Variants in EPHB1 observed in about 807,000 individuals in gnomAD.
The protein encoded by EPHB1 is ephrin type-B receptor 1.
EPHB1 carries 30 observed loss-of-function variants against 94.4 expected under a neutral mutation model. The observed-to-expected ratio is 0.32, with a 90% CI of 0.24 to 0.43. The LOEUF is 0.43. Among genes scored for constraint, EPHB1 ranks in the 20% least tolerant of loss-of-function variants. The pLI is 1.00. For synonymous variants in EPHB1, 522 were observed against 489.1 expected (o/e 1.07, Z -0.89); for missense variants, 1,055 against 1,308.3 (o/e 0.81, Z 2.99).
intron 3 of EPHB1, among the ~76,000 whole-genome samples, chr3:134,958,470 C>G (rs1933372557): frequency 6.6e-6 from 1 of 150,452 alleles, no homozygotes; most frequent in African/African-American, 2.5e-5. Flanking sequence ...TGCTGGAAGC[C>G]ACATTCAAGG....
intron 1 of EPHB1, among the ~76,000 whole-genome samples, chr3:134,813,146 A>G (rs896040963): frequency 6.6e-6 from 1 of 152,190 alleles, no homozygotes; most frequent in African/African-American, 2.4e-5. Context: ...CAGGGAAGAA[A>G]TATGCCCCCA....
At chr3:134,828,487 A>ATAG (rs1322732361) in intron 1 of EPHB1, among the ~76,000 whole-genome samples, 3 of 152,118 alleles carry the variant, frequency 2.0e-5, no homozygotes, top group Admixed American at 2.0e-4. Context: ...AATATGTGTT[A>ATAG]ATTCCTAGCA....
intron 5 of EPHB1, among the ~76,000 whole-genome samples, chr3:135,134,141 C>A (rs1479028672): frequency 2.6e-5 from 4 of 152,230 alleles, no homozygotes; most frequent in Admixed American, 2.6e-4. Flanking sequence ...CATGCACAGG[C>A]AATGGGGGTC....
At chr3:135,056,157 G>A (rs750495423) in intron 3 of EPHB1, among the ~76,000 whole-genome samples, 1 of 152,216 alleles carries the variant, frequency 6.6e-6, no homozygotes, top group African/African-American at 2.4e-5. Flanking sequence ...GTGGAACATC[G>A]GGCTTCTTTC....
At chr3:135,030,066 C>T (rs1936377149) in intron 3 of EPHB1, among the ~76,000 whole-genome samples, 2 of 151,258 alleles carry the variant, frequency 1.3e-5, no homozygotes, top group Admixed American at 6.6e-5. Context: ...CCTTGGTTTT[C>T]AGCTCCATCA....
At chr3:135,147,003 G>A (rs1356367106) in intron 5 of EPHB1, among the ~76,000 whole-genome samples, 1 of 152,172 alleles carries the variant, frequency 6.6e-6, no homozygotes, top group Non-Finnish European at 1.5e-5. Flanking sequence ...CTATTTTACA[G>A]TTGAAGGACC....
intron 10 of EPHB1, among the ~76,000 whole-genome samples, chr3:135,190,094 A>G (rs1282177978): frequency 1.3e-5 from 2 of 152,238 alleles, no homozygotes; most frequent in Admixed American, 6.5e-5. Flanking sequence ...AAAGATGGGT[A>G]TGGACCACAG....
intron 3 of EPHB1, among the ~76,000 whole-genome samples, chr3:135,019,306 G>T (rs890977261): frequency 4.6e-5 from 7 of 152,138 alleles, no homozygotes; most frequent in African/African-American, 1.7e-4. Flanking sequence ...CCCTTAGGCT[G>T]GTCAAGCAGG....
intron 3 of EPHB1, among the ~76,000 whole-genome samples, chr3:135,032,010 G>T (rs191332739): frequency 2.0e-5 from 3 of 151,892 alleles, no homozygotes; most frequent in Non-Finnish European, 4.4e-5. Context: ...GATTTTCTTC[G>T]TTGGAAGCAT....
At chr3:134,796,520 G>A (rs1173914850) in intron 1 of EPHB1, 1 of 152,252 alleles carries the variant, frequency 6.6e-6, no homozygotes, top group Admixed American at 6.5e-5. Flanking sequence ...CTCCGGCTTG[G>A]TGGCTGGGAA....
chr3:135,255,629 A>ACTT (rs1472432530), intron 15 of EPHB1, among the ~76,000 whole-genome samples: 5 of 149,990 alleles, frequency 3.3e-5, no homozygotes, highest in Non-Finnish European at 7.4e-5. Context: ...GGAGAGCTTT[A>ACTT]CTTCCAAGTA....
chr3:135,044,029 T>C (rs1323357278), intron 3 of EPHB1, among the ~76,000 whole-genome samples: 2 of 152,240 alleles, frequency 1.3e-5, no homozygotes, highest in African/African-American at 4.8e-5. Context: ...AGAGTTTGTA[T>C]AATCAATTCC....
chr3:135,079,185 T>C (rs1938068105), intron 3 of EPHB1, among the ~76,000 whole-genome samples: 1 of 152,052 alleles, frequency 6.6e-6, no homozygotes, highest in African/African-American at 2.4e-5. Flanking sequence ...GATTAATGCC[T>C]CTCTTGGGCT....
chr3:135,232,100 GA>G (rs1033513471), intron 12 of EPHB1, among the ~76,000 whole-genome samples: 1 of 152,194 alleles, frequency 6.6e-6, no homozygotes, highest in African/African-American at 2.4e-5. Context: ...CTAGCTGTTA[GA>G]AGCTGGTGAC....
chr3:135,030,980 T>G (rs1021247313), intron 3 of EPHB1, among the ~76,000 whole-genome samples: 1 of 152,192 alleles, frequency 6.6e-6, no homozygotes, highest in African/African-American at 2.4e-5. Flanking sequence ...GGTGTGACCC[T>G]ATTCTCCAGG....
At chr3:134,896,481 C>T (rs1186702298) in intron 1 of EPHB1, among the ~76,000 whole-genome samples, 3 of 152,310 alleles carry the variant, frequency 2.0e-5, no homozygotes, top group African/African-American at 7.2e-5. Context: ...CTCTTGTTGT[C>T]GTGAATATTA....
chr3:135,119,514 G>A (rs976401851), intron 4 of EPHB1, among the ~76,000 whole-genome samples: 15 of 152,044 alleles, frequency 9.9e-5, no homozygotes, highest in African/African-American at 3.1e-4. Context: ...GTGCAGTGGG[G>A]CAATCTAGGT....
At chr3:134,868,694 T>C (rs557409486) in intron 1 of EPHB1, among the ~76,000 whole-genome samples, 5 of 152,286 alleles carry the variant, frequency 3.3e-5, no homozygotes, top group Admixed American at 3.3e-4. Flanking sequence ...GTTCTGGAGA[T>C]ACAGACAAGA....
chr3:135,129,191 C>T (rs1267825206), intron 4 of EPHB1, among the ~76,000 whole-genome samples: 1 of 151,642 alleles, frequency 6.6e-6, no homozygotes, highest in African/African-American at 2.4e-5. Context: ...AAAAACCCTT[C>T]CCCTGGAATG....
Sources: gnomAD v4.1 joint callset for allele counts (sites outside exome capture counted in the v4.1 genomes callset) on GRCh38, gnomAD v4.1.1 for gene constraint, MANE v1.5 for transcripts, NCBI Gene and HGNC (gene_info 2026-07-23, HGNC 2026-07-21) for gene names.